PARPBP: variants seen among roughly 807,000 people sequenced by gnomAD.
PARPBP encodes PCNA-interacting partner.
A neutral mutation model predicts 50.0 loss-of-function variants in PARPBP; 52 were observed. The observed-to-expected ratio is 1.04, with a 90% CI of 0.83 to 1.31. The LOEUF is 1.31. PARPBP is among the 50% of genes most tolerant of loss of function. The pLI is 0.00. For missense variants in PARPBP, 697 were observed against 672.0 expected (o/e 1.04, Z -0.41); for synonymous variants, 244 against 232.1 (o/e 1.05, Z -0.47).
At chr12:102,124,314 CTAT>C (rs1594423181) in intron 2 of PARPBP, among the ~76,000 whole-genome samples, 2 of 152,220 alleles carry the variant, frequency 1.3e-5, no homozygotes, top group African/African-American at 4.8e-5. Flanking sequence ...AAACATGTAA[CTAT>C]TATTATTGTG....
intron 2 of PARPBP, among the ~76,000 whole-genome samples, chr12:102,139,042 C>G (rs543021890): frequency 7.5e-4 from 114 of 152,166 alleles, no homozygotes; most frequent in Admixed American, 2.4e-3. Flanking sequence ...TTGGTAGCTT[C>G]ATGGGGATGG....
rs1175130752 is a variant in PARPBP, at chr12:102,196,730, T to C, written c.*439T>C. On this transcript the variant is annotated 3_prime_UTR_variant, in exon 11 of 11. Transcript: ENST00000327680. ...AAGGAAGAAGAAAGTTTAAATTGTT[T>C]AAAGGACTATAATTATCACACAAAA... 3 of 1,534,812 alleles carry C rather than the reference T, an allele frequency of 2.0e-6. No homozygotes were observed. The highest frequency in any genetic ancestry group is 2.7e-6 in the Non-Finnish European group (3 of 1,109,948).
chr12:102,148,395 C>T lies in PARPBP; in HGVS notation c.319C>T (p.Leu107=). 6.3e-7 allele frequency: 1 copy of T among 1,579,612 alleles called. No individual in the cohort carries two copies. The highest frequency in any genetic ancestry group is 8.7e-7 in the Non-Finnish European group (1 of 1,149,708). Residue 107 remains leucine, a synonymous_variant, in exon 3 of 11, where the codon CTG becomes TTG. Transcript: ENST00000327680. ...DFLKNSNMLD[L]IDVYQKCRAL... is the part of the protein sequence containing the mutation. ...CTTGAAGAACAGTAATATGTTAGAT[C>T]TGATTGATGTTTATCAAAAATGTAG...
chr12:102,146,617 G>C (rs1594504554), intron 2 of PARPBP, among the ~76,000 whole-genome samples: 1 of 152,106 alleles, frequency 6.6e-6, no homozygotes, highest in African/African-American at 2.4e-5. Flanking sequence ...AAAAACCCTA[G>C]AAGAAAACCT....
intron 7 of PARPBP, among the ~76,000 whole-genome samples, chr12:102,178,099 C>G (rs753087732): frequency 6.6e-6 from 1 of 152,278 alleles, no homozygotes; most frequent in Non-Finnish European, 1.5e-5. Flanking sequence ...ACCTTTGGAA[C>G]CTTAGCTTTA....
chr12:102,159,743 T>C (rs1938484812), intron 4 of PARPBP, among the ~76,000 whole-genome samples: 1 of 152,178 alleles, frequency 6.6e-6, no homozygotes, highest in African/African-American at 2.4e-5. Context: ...ACTTTTTTTT[T>C]GTCAGTATAT....
intron 9 of PARPBP, among the ~76,000 whole-genome samples, chr12:102,184,046 GAA>G (rs71438459): frequency 6.7e-5 from 4 of 59,966 alleles, no homozygotes; most frequent in African/African-American, 1.4e-4. Flanking sequence ...GACTCTATCT[GAA>G]AAAAAAAAAA....
intron 2 of PARPBP, among the ~76,000 whole-genome samples, chr12:102,141,811 G>C (rs185795548): frequency 0.012 from 1,872 of 152,186 alleles, 25 homozygotes; most frequent in Non-Finnish European, 0.02. Context: ...TTGAATATTG[G>C]CCCCCACTGT....
intron 2 of PARPBP, among the ~76,000 whole-genome samples, chr12:102,146,015 G>GAAGGAC (rs1274458494): frequency 6.6e-6 from 1 of 152,138 alleles, no homozygotes; most frequent in Non-Finnish European, 1.5e-5. Context: ...CAAAGGATGT[G>GAAGGAC]AAGGACCTCT....
At chr12:102,182,720 G>T (rs1478242821) in intron 9 of PARPBP, 93 bp downstream of exon 9, 3 of 825,228 alleles carry the variant, frequency 3.6e-6, no homozygotes, top group Non-Finnish European at 6.0e-6. Flanking sequence ...TGTAAATATT[G>T]TAAACATTGT....
chr12:102,191,320 A>G (rs1326145529), intron 9 of PARPBP, among the ~76,000 whole-genome samples: 2 of 152,236 alleles, frequency 1.3e-5, no homozygotes, highest in African/African-American at 2.4e-5. Flanking sequence ...GCTATTAAGC[A>G]GAGTAAATGG....
At position 102,160,706 on chromosome 12, in the gene PARPBP, T is replaced by C. The variant is rs202077648; in HGVS notation, c.496-3732T>C. On this transcript the variant is annotated intron_variant, in intron 4 of 10. Coordinates refer to ENST00000327680, the MANE Select transcript of PARPBP (RefSeq NM_017915.5). ...GTTAACGCCTGTAATCCCAGCACTT[T>C]GGGAGGCTGAGGCAGGCAGATCACC... 2.0e-5 allele frequency among the ~76,000 whole-genome samples: 3 copies of C among 152,192 alleles called. No homozygotes were observed. In the South Asian group the frequency reaches 6.2e-4, roughly 31 times the overall value.
intron 9 of PARPBP, among the ~76,000 whole-genome samples, chr12:102,184,046 G>GAAAAAAAAAAA (rs71438459): frequency 3.5e-4 from 21 of 59,940 alleles, no homozygotes; most frequent in African/African-American, 1.1e-3. Flanking sequence ...GACTCTATCT[G>GAAAAAAAAAAA]AAAAAAAAAA....
chr12:102,138,292 A>C (rs1020566916), intron 2 of PARPBP, among the ~76,000 whole-genome samples: 1 of 152,214 alleles, frequency 6.6e-6, no homozygotes, highest in South Asian at 2.1e-4. Flanking sequence ...TTTTGGGTGC[A>C]TAAATATCTT....
intron 2 of PARPBP, among the ~76,000 whole-genome samples, chr12:102,133,904 A>T (rs188601259): frequency 7.0e-4 from 106 of 152,114 alleles, no homozygotes; most frequent in Non-Finnish European, 1.3e-3. Context: ...AAGGAAATTT[A>T]AAAAAACCTT....
rs184373132 is a variant in PARPBP, at chr12:102,130,340, A to C, written c.153+6299A>C. 1.1e-3 allele frequency among the ~76,000 whole-genome samples: 163 copies of C among 152,312 alleles called. 1 individual carries two copies. Among genetic ancestry groups the C allele is most frequent in the Non-Finnish European group, 2.0e-3 (134 of 68,004 alleles). ...GGACACAGGCATGGGCAACGATTTC[A>C]TGATGAAGATGCCAAAAGCAATTGC... is the stretch of plus-strand genomic sequence containing the variant. On this transcript the variant is annotated intron_variant, in intron 2 of 10. Coordinates refer to ENST00000327680, the MANE Select transcript of PARPBP (RefSeq NM_017915.5).
rs1308031850 is a variant in PARPBP, at chr12:102,159,235, A to G, written c.496-5203A>G. ...AACCTCCGCCTCCTGGGTTCAAGCA[A>G]TTCTCCTGCCTTAGCCTCCTGAGCA... On this transcript the variant is annotated intron_variant, in intron 4 of 10. Coordinates refer to ENST00000327680, the MANE Select transcript of PARPBP (RefSeq NM_017915.5). Among the ~76,000 whole-genome samples, 15 of 152,022 alleles carry G rather than the reference A, an allele frequency of 9.9e-5. 1 individual carries two copies. The highest frequency in any genetic ancestry group is 1.5e-5 in the Non-Finnish European group (1 of 68,022).
intron 1 of PARPBP, among the ~76,000 whole-genome samples, chr12:102,123,498 GTT>G (rs71737241): frequency 1.5e-5 from 2 of 135,380 alleles, no homozygotes; most frequent in Admixed American, 7.4e-5. Flanking sequence ...GGCTTTTTAG[GTT>G]TTTTTTTTTT....
rs568339301 is a variant in PARPBP, at chr12:102,135,235, G to A, written c.153+11194G>A. On this transcript the variant is annotated intron_variant, in intron 2 of 10. Coordinates refer to ENST00000327680, the MANE Select transcript of PARPBP (RefSeq NM_017915.5). ...GAGTTGAACACTTACATACTGAATC[G>A]GAGAAAGAGTAGTAAAATGAAAATG... Among the ~76,000 whole-genome samples the A allele has an allele frequency of 2.5e-3, 374 of 152,128 alleles. 1 individual carries two copies. The highest frequency in any genetic ancestry group is 2.5e-3 in the Non-Finnish European group (173 of 67,964).
Sources: allele counts gnomAD v4.1 joint callset (sites outside exome capture counted in the v4.1 genomes callset), GRCh38; gene constraint gnomAD v4.1.1; transcripts MANE v1.5; gene names NCBI Gene and HGNC (gene_info 2026-07-23, HGNC 2026-07-21).